Variants in NFIB observed in about 807,000 individuals in gnomAD.
NFIB encodes nuclear factor I B, also known as nuclear factor 1 B-type.
In NFIB, 11 loss-of-function variants were observed where a neutral mutation model predicts 61.5. That is an observed-to-expected ratio of 0.18 (90% CI 0.11 to 0.30). The LOEUF (loss-of-function observed/expected upper bound fraction) is 0.30, where lower values mean the gene tolerates loss of function less well. Among genes scored for constraint, NFIB ranks in the 10% least tolerant of loss-of-function variants. The pLI, the probability that NFIB is intolerant of heterozygous loss-of-function variation, is 1.00. For missense variants in NFIB, 471 were observed against 608.9 expected (o/e 0.77, Z 2.38); for synonymous variants, 260 against 216.5 (o/e 1.20, Z -1.76).
chr9:14,234,224 G>A (rs979722493), intron 2 of NFIB, among the ~76,000 whole-genome samples: 2 of 152,096 alleles, frequency 1.3e-5, no homozygotes, highest in African/African-American at 4.8e-5. Context: ...TCAAAAACCA[G>A]ATCACAAACC....
At chr9:14,322,164 G>A in intron 1 of NFIB, 1 of 1,200,506 alleles carries the variant, frequency 8.3e-7, no homozygotes, top group Non-Finnish European at 1.0e-6. Flanking sequence ...ACAGTTCTTG[G>A]CCCGAGAAGA....
At chr9:14,445,415 T>G in the NFIB span, among the ~76,000 whole-genome samples, 1 of 152,160 alleles carries the variant, frequency 6.6e-6, no homozygotes, top group Admixed American at 6.5e-5. Flanking sequence ...TCATTAACTA[T>G]AATATTTACT....
chr9:14,389,387 T>A (rs1227168856), intron 1 of NFIB, among the ~76,000 whole-genome samples: 1 of 152,152 alleles, frequency 6.6e-6, no homozygotes, highest in African/African-American at 2.4e-5. Context: ...AAGCTCTGAG[T>A]CATTCATATG....
the NFIB span, among the ~76,000 whole-genome samples, chr9:14,442,787 C>T: frequency 2.6e-5 from 4 of 152,142 alleles, no homozygotes; most frequent in Non-Finnish European, 5.9e-5. Flanking sequence ...GGGTTCAAGT[C>T]CAACATACCT....
At chr9:14,213,832 T>C (rs1448752266) in intron 2 of NFIB, among the ~76,000 whole-genome samples, 1 of 152,068 alleles carries the variant, frequency 6.6e-6, no homozygotes, top group Non-Finnish European at 1.5e-5. Flanking sequence ...CTTAGGAAAA[T>C]GTGTTCCCTG....
At chr9:14,183,292 G>C (rs2047002523) in intron 2 of NFIB, among the ~76,000 whole-genome samples, 1 of 152,162 alleles carries the variant, frequency 6.6e-6, no homozygotes, top group Non-Finnish European at 1.5e-5. Context: ...AAAGGCAGTA[G>C]ATACCAGCCA....
intron 1 of NFIB, among the ~76,000 whole-genome samples, chr9:14,335,389 A>C (rs2060874195): frequency 6.6e-6 from 1 of 152,190 alleles, no homozygotes; most frequent in Non-Finnish European, 1.5e-5. Flanking sequence ...CATTCTAGTA[A>C]GTATGTAGTG....
chr9:14,187,027 A>ATGTGTGTGTGTGTG (rs71491637), intron 2 of NFIB, among the ~76,000 whole-genome samples: 96 of 61,026 alleles, frequency 1.6e-3, no homozygotes, highest in African/African-American at 3.0e-3. Context: ...GTGTGTGTGT[A>ATGTGTGTGTGTGTG]TGTGTGTGTG....
chr9:14,161,826 A>G (rs1163420065), intron 3 of NFIB, among the ~76,000 whole-genome samples: 1 of 152,106 alleles, frequency 6.6e-6, no homozygotes, highest in Non-Finnish European at 1.5e-5. Flanking sequence ...AAGGACATAA[A>G]CTCTTTTAAA....
Position 14,313,416 on chromosome 9 carries a change from CAACAA to C in NFIB, c.30+61_30+65del, listed in dbSNP as rs2132757770. ...GTTAACTCAAGCCGCTAATTGTCCGCAACAAAACAAAACAAAGGCATTTCGGGCCA... is the reference window on the plus strand; with the variant it reads ...GTTAACTCAAGCCGCTAATTGTCCGCAACAAAACAAAGGCATTTCGGGCCA... On this transcript the variant is annotated intron_variant, in intron 1 of 10. Transcript: ENST00000380953. This position sits in a 1 kb window ranked among gnomAD's most constrained non-coding sequence, Gnocchi z 4.5. 2 of 1,609,746 alleles carry C rather than the reference CAACAA, an allele frequency of 1.2e-6. No homozygotes were observed. Among genetic ancestry groups the C allele is most frequent in the Non-Finnish European group, 8.5e-7 (1 of 1,177,156 alleles).
At chr9:14,091,189 T>C (rs2033844795) in intron 10 of NFIB, among the ~76,000 whole-genome samples, 1 of 151,932 alleles carries the variant, frequency 6.6e-6, no homozygotes, top group South Asian at 2.1e-4. Context: ...AAGTCTCTTA[T>C]TGCCAATTTA....
At chr9:14,462,384 G>A in the NFIB span, among the ~76,000 whole-genome samples, 1 of 151,560 alleles carries the variant, frequency 6.6e-6, no homozygotes, top group Admixed American at 6.6e-5. Context: ...CCGGGTTCAC[G>A]CCATTCTCCT....
At chr9:14,395,675 C>A (rs542213308) in intron 1 of NFIB, among the ~76,000 whole-genome samples, 1 of 149,348 alleles carries the variant, frequency 6.7e-6, no homozygotes, top group Admixed American at 6.7e-5. Flanking sequence ...AATTTTACCT[C>A]GTAAAAAATT....
chr9:14,205,000 G>A (rs2049479163), intron 2 of NFIB: 1 of 272,060 alleles, frequency 3.7e-6, no homozygotes. Context: ...ACATTGCCAA[G>A]CTCAAAAGGC....
chr9:14,438,753 C>T, the NFIB span, among the ~76,000 whole-genome samples: 8 of 152,034 alleles, frequency 5.3e-5, no homozygotes, highest in East Asian at 3.9e-4. Flanking sequence ...ACCTCGTGAG[C>T]GGGGGCTGAT....
the NFIB span, among the ~76,000 whole-genome samples, chr9:14,480,438 C>A: frequency 6.6e-6 from 1 of 152,118 alleles, no homozygotes; most frequent in South Asian, 2.1e-4. Flanking sequence ...GAGAGATTTC[C>A]TTGATGCTAA....
the NFIB span, among the ~76,000 whole-genome samples, chr9:14,524,428 G>A: frequency 6.6e-6 from 1 of 152,084 alleles, no homozygotes; most frequent in African/African-American, 2.4e-5. Flanking sequence ...TTCATCATGT[G>A]ACCAGCTAAA....
chr9:14,405,316 A>G, the NFIB span, among the ~76,000 whole-genome samples: 1 of 152,192 alleles, frequency 6.6e-6, no homozygotes, highest in Non-Finnish European at 1.5e-5. Context: ...TATGTCATTG[A>G]GATTTCAGGA....
At chr9:14,506,481 C>A in the NFIB span, among the ~76,000 whole-genome samples, 1 of 151,956 alleles carries the variant, frequency 6.6e-6, no homozygotes, top group African/African-American at 2.4e-5. Context: ...AAGAAACGAA[C>A]AGGATAAGAA....
Sources: allele counts gnomAD v4.1 joint callset (sites outside exome capture counted in the v4.1 genomes callset), GRCh38; gene constraint gnomAD v4.1.1; non-coding constraint Gnocchi (gnomAD v3.1); transcripts MANE v1.5; gene names NCBI Gene and HGNC (gene_info 2026-07-23, HGNC 2026-07-21).